Variants in MSRA observed in about 807,000 individuals in gnomAD.
MSRA encodes the protein methionine sulfoxide reductase A.
MSRA carries 54 observed loss-of-function variants against 31.3 expected under a neutral mutation model. The observed-to-expected ratio is 1.73, with a 90% confidence interval of 1.39 to 2.17. The LOEUF is 2.17. MSRA is among the 30% of genes most tolerant of loss of function. The pLI, the probability that MSRA is intolerant of heterozygous loss-of-function variation, is 0.00. For synonymous variants in MSRA, 169 were observed against 116.5 expected, an observed-to-expected ratio of 1.45 and a Z score of -2.90; for missense variants, 507 against 300.9, an observed-to-expected ratio of 1.69 and a Z score of -5.07.
At chr8:10,131,932 T>A (rs1801926983) in intron 1 of MSRA, among the ~76,000 whole-genome samples, 1 of 152,222 alleles carries the variant, frequency 6.6e-6, no homozygotes, top group Admixed American at 6.5e-5. Flanking sequence ...TTATACCAAA[T>A]GAAAACAAAT....
chr8:10,388,081 T>C lies in MSRA; in HGVS notation c.544-40067T>C, dbSNP rs144277039. On this transcript the variant is annotated intron_variant, in intron 5 of 5. Coordinates refer to ENST00000317173, the MANE Select transcript of MSRA (RefSeq NM_012331.5). ...CAAAAGACAATTAACAAAGTAAATTTACAAACAGAAGTTTATTAACATGTA... is the reference window on the plus strand; with the variant it reads ...CAAAAGACAATTAACAAAGTAAATTCACAAACAGAAGTTTATTAACATGTA... 3.1e-3 allele frequency among the ~76,000 whole-genome samples: 473 copies of C among 152,282 alleles called. 3 individuals carry two copies. The highest frequency in any genetic ancestry group is 0.011 in the African/African-American group (442 of 41,548).
intron 1 of MSRA, among the ~76,000 whole-genome samples, chr8:10,159,459 T>C (rs12678938): frequency 0.68 from 104,132 of 152,148 alleles, 36,861 homozygotes; most frequent in East Asian, 1. Flanking sequence ...GAGAGGAAAC[T>C]AGGATATTTG....
chr8:10,098,970 G>A (rs1799358062), intron 1 of MSRA, among the ~76,000 whole-genome samples: 2 of 152,204 alleles, frequency 1.3e-5, no homozygotes, highest in South Asian at 4.1e-4. Flanking sequence ...AGACAAAGGA[G>A]GAAGATAAGG....
intron 4 of MSRA, among the ~76,000 whole-genome samples, chr8:10,318,418 G>T (rs1025791563): frequency 2.0e-5 from 3 of 152,064 alleles, no homozygotes; most frequent in Admixed American, 6.5e-5. Flanking sequence ...TTGAGACAAG[G>T]GATTATGACC....
chr8:10,137,265 G>A (rs553172813), intron 1 of MSRA, among the ~76,000 whole-genome samples: 2 of 152,054 alleles, frequency 1.3e-5, no homozygotes, highest in Non-Finnish European at 1.5e-5. Context: ...TAAAAAATTG[G>A]TTTTCTGCAT....
intron 1 of MSRA, among the ~76,000 whole-genome samples, chr8:10,184,359 C>G (rs1467764901): frequency 6.6e-6 from 1 of 151,904 alleles, no homozygotes; most frequent in Non-Finnish European, 1.5e-5. Context: ...ACATTCTAAA[C>G]CTCTTCCAAA....
intron 4 of MSRA, among the ~76,000 whole-genome samples, chr8:10,305,263 A>G (rs998351687): frequency 1.3e-5 from 2 of 152,174 alleles, no homozygotes; most frequent in Non-Finnish European, 2.9e-5. Flanking sequence ...GTAAGCTTAG[A>G]GTCCCCTTTC....
chr8:10,263,498 C>G (rs953665213), intron 3 of MSRA, among the ~76,000 whole-genome samples: 3 of 152,218 alleles, frequency 2.0e-5, no homozygotes, highest in Admixed American at 6.5e-5. Flanking sequence ...CCCTGTATCT[C>G]CCTATATGGC....
intron 1 of MSRA, among the ~76,000 whole-genome samples, chr8:10,138,544 G>C (rs1377448901): frequency 6.6e-6 from 1 of 152,172 alleles, no homozygotes; most frequent in East Asian, 1.9e-4. Context: ...AAATATGTCA[G>C]TCTTTTCAGT....
chr8:10,301,033 G>A (rs1352590667), intron 3 of MSRA, among the ~76,000 whole-genome samples: 1 of 152,124 alleles, frequency 6.6e-6, no homozygotes, highest in Non-Finnish European at 1.5e-5. Flanking sequence ...CAGCACGTAT[G>A]TCCCTCCTTA....
intron 1 of MSRA, among the ~76,000 whole-genome samples, chr8:10,107,468 C>G (rs1273384122): frequency 1.3e-5 from 2 of 152,080 alleles, no homozygotes; most frequent in African/African-American, 4.8e-5. Flanking sequence ...GCAAAGAGGT[C>G]CATAATGAGA....
At chr8:10,174,898 C>T (rs181230848) in intron 1 of MSRA, among the ~76,000 whole-genome samples, 7 of 152,162 alleles carry the variant, frequency 4.6e-5, no homozygotes, top group African/African-American at 1.7e-4. Flanking sequence ...CAATAGATCT[C>T]ATCTCCCCAG....
At chr8:10,315,199 G>A (rs554222549) in intron 4 of MSRA, among the ~76,000 whole-genome samples, 38 of 152,308 alleles carry the variant, frequency 2.5e-4, no homozygotes, top group African/African-American at 7.5e-4. Context: ...CCCATGACAC[G>A]TGGGGATTAT....
At chr8:10,330,204 T>TAAAC (rs149601196) in intron 5 of MSRA, among the ~76,000 whole-genome samples, 1 of 107,898 alleles carries the variant, frequency 9.3e-6, no homozygotes, top group Non-Finnish European at 1.9e-5. Context: ...TTAAATGTGA[T>TAAAC]ATACACACAC....
At chr8:10,120,768 T>C (rs949807712) in intron 1 of MSRA, among the ~76,000 whole-genome samples, 1 of 152,162 alleles carries the variant, frequency 6.6e-6, no homozygotes, top group Admixed American at 6.5e-5. Flanking sequence ...ACTGTGTTAA[T>C]TGGGAAGCCT....
At chr8:10,326,303 T>C (rs1373651686) in intron 5 of MSRA, among the ~76,000 whole-genome samples, 1 of 152,180 alleles carries the variant, frequency 6.6e-6, no homozygotes, top group African/African-American at 2.4e-5. Flanking sequence ...CAGGGACCAA[T>C]TGTTGAGCTA....
intron 5 of MSRA, among the ~76,000 whole-genome samples, chr8:10,362,051 G>C (rs533152204): frequency 6.6e-6 from 1 of 152,142 alleles, no homozygotes; most frequent in Admixed American, 6.5e-5. Flanking sequence ...AAGAATCCTG[G>C]AGTGAGAGAG....
chr8:10,161,728 C>T (rs1466819749), intron 1 of MSRA, among the ~76,000 whole-genome samples: 1 of 151,960 alleles, frequency 6.6e-6, no homozygotes, highest in African/African-American at 2.4e-5. Flanking sequence ...GCTGACCTTC[C>T]TTGGGTCTCG....
rs114035536 is a variant in MSRA, at chr8:10,368,810, A to T, written c.543+48821A>T. Among the ~76,000 whole-genome samples the T allele has an allele frequency of 1.8e-3, 268 of 152,318 alleles. 4 individuals are homozygous for T. Among genetic ancestry groups the T allele is most frequent in the African/African-American group, 6.1e-3 (252 of 41,572 alleles). On this transcript the variant is annotated intron_variant, in intron 5 of 5. Coordinates refer to ENST00000317173, the MANE Select transcript of MSRA (RefSeq NM_012331.5). ...GTGTTTGCTGCCCGCACATGCTTGT[A>T]CCTGTCTTGTCACTTTTCCCTTCTG...
Sources: gnomAD v4.1 joint callset for allele counts (sites outside exome capture counted in the v4.1 genomes callset) on GRCh38, gnomAD v4.1.1 for gene constraint, MANE v1.5 for transcripts, NCBI Gene and HGNC (gene_info 2026-07-23, HGNC 2026-07-21) for gene names.